The following PCDHGA3 variants were observed in gnomAD, a reference collection of about 807,000 sequenced individuals.
PCDHGA3 encodes protocadherin gamma-A3.
PCDHGA3 carries 40 observed loss-of-function variants against 58.5 expected under a neutral mutation model. That is an observed-to-expected ratio of 0.68 (90% CI 0.53 to 0.89). The LOEUF (loss-of-function observed/expected upper bound fraction) is 0.89, where lower values mean the gene tolerates loss of function less well. Among genes scored for constraint, PCDHGA3 ranks in the 40% least tolerant of loss-of-function variants. The pLI is 0.00. For synonymous variants in PCDHGA3, 530 were observed against 525.7 expected (o/e 1.01, Z -0.11); for missense variants, 1,223 against 1,195.9 (o/e 1.02, Z -0.33).
rs200568923 is a variant in PCDHGA3 at position 141,413,794 on chromosome 5, G to A, written c.2424+67337G>A. On this transcript the variant is annotated intron_variant, in intron 1 of 3. Coordinates refer to ENST00000253812, the MANE Select transcript of PCDHGA3 (RefSeq NM_018916.4). The stretch of plus-strand genomic sequence containing the variant: ...GGTACTGGAGCACTCCCTAGATCGC[G>A]AGGAAGAGGCCATTCACCACCTGGT... 6.7e-5 allele frequency: 108 copies of A among 1,613,050 alleles called. No individual in the cohort carries two copies. Among genetic ancestry groups the A allele is most frequent in the Admixed American group, 8.3e-5 (5 of 59,990 alleles).
In PCDHGA3 at chr5:141,486,565, T is replaced by C; in HGVS notation, c.2425-8242T>C. ...TTCAGAGGTCACATGAGGTGTTTGT[T>C]CCTGAGAACAATCGCCCAGGGGACC... On this transcript the variant is annotated intron_variant, in intron 1 of 3. Coordinates refer to ENST00000253812, the MANE Select transcript of PCDHGA3 (RefSeq NM_018916.4). The surrounding 1 kb of genome is among the most constrained non-coding windows in gnomAD (Gnocchi z 5.0). 6.2e-7 allele frequency: 1 copy of C among 1,614,024 alleles called. No homozygotes were observed. Among genetic ancestry groups the C allele is most frequent in the Non-Finnish European group, 8.5e-7 (1 of 1,180,032 alleles).
In PCDHGA3 at chr5:141,360,298, G is replaced by A. The variant is rs368468229; in HGVS notation, c.2424+13841G>A. On this transcript the variant is annotated intron_variant, in intron 1 of 3. Transcript: ENST00000253812. Reference sequence around the variant, plus strand: ...CGTAGGAAACCTCGCCAAGGATCTGGGGCTCAGCGTCCGGGACTTGCCAGC... The same window carrying A: ...CGTAGGAAACCTCGCCAAGGATCTGAGGCTCAGCGTCCGGGACTTGCCAGC... 268 of 1,613,990 alleles carry A rather than the reference G, an allele frequency of 1.7e-4. No individual in the cohort carries two copies. The highest frequency in any genetic ancestry group is 2.2e-4 in the Non-Finnish European group (260 of 1,179,896).
In PCDHGA3 at chr5:141,432,897, C is replaced by A. The variant is rs780142081; in HGVS notation, c.2425-61910C>A. 1.2e-6 allele frequency: 2 copies of A among 1,614,178 alleles called. No individual in the cohort carries two copies. Among genetic ancestry groups the A allele is most frequent in the Non-Finnish European group, 1.7e-6 (2 of 1,180,010 alleles). On this transcript the variant is annotated intron_variant, in intron 1 of 3. Coordinates refer to ENST00000253812, the MANE Select transcript of PCDHGA3 (RefSeq NM_018916.4). The surrounding 1 kb of genome is among the most constrained non-coding windows in gnomAD (Gnocchi z 6.0). ...CTGGCCTTCGTCATCTTGCTGCTGGCGCTCAGGCTGCGGCGCTGGCACAAG... is the reference window on the plus strand; with the variant it reads ...CTGGCCTTCGTCATCTTGCTGCTGGAGCTCAGGCTGCGGCGCTGGCACAAG...
intron 2 of PCDHGA3, among the ~76,000 whole-genome samples, chr5:141,504,997 AC>A (rs554150488): frequency 9.9e-5 from 15 of 152,238 alleles, no homozygotes; most frequent in African/African-American, 2.9e-4. Flanking sequence ...CCCCGTCTGT[AC>A]TAAAAATACA....
chr5:141,375,816 C>G, intron 1 of PCDHGA3: 2 of 1,614,194 alleles, frequency 1.2e-6, no homozygotes, highest in South Asian at 2.2e-5. Flanking sequence ...GTGGAGCTGG[C>G]GCCCCGCTCC....
At chr5:141,355,289 A>G (rs1759786775) in intron 1 of PCDHGA3, 1 of 1,613,744 alleles carries the variant, frequency 6.2e-7, no homozygotes. Context: ...AGGGCCGAAC[A>G]GATTCTCTAC....
chr5:141,449,562 C>T (rs1374591292), intron 1 of PCDHGA3, among the ~76,000 whole-genome samples: 1 of 143,862 alleles, frequency 7.0e-6, no homozygotes, highest in East Asian at 2.0e-4. Context: ...GCACTCCAGC[C>T]TGGGCGACAG....
chr5:141,389,767 G>C, intron 1 of PCDHGA3: 2 of 1,613,028 alleles, frequency 1.2e-6, no homozygotes, highest in Non-Finnish European at 8.5e-7. Context: ...CGCACAGCGC[G>C]TGCCTTAGGC....
At chr5:141,347,986 G>A (rs532238448) in intron 1 of PCDHGA3, among the ~76,000 whole-genome samples, 5 of 152,162 alleles carry the variant, frequency 3.3e-5, no homozygotes, top group Non-Finnish European at 7.3e-5. Flanking sequence ...ACATGTAAAG[G>A]AATATGTCTC....
chr5:141,399,991 G>C, intron 1 of PCDHGA3: 1 of 1,612,422 alleles, frequency 6.2e-7, no homozygotes, highest in Non-Finnish European at 8.5e-7. Context: ...CACAGGAGAG[G>C]TGCGCACAGC....
chr5:141,370,990 C>T (rs763809323), intron 1 of PCDHGA3: 3 of 1,613,826 alleles, frequency 1.9e-6, no homozygotes, highest in Admixed American at 1.7e-5. Flanking sequence ...CTGAAAGCAC[C>T]CCTGGACAGG....
At chr5:141,419,431 G>A in intron 1 of PCDHGA3, 2 of 1,613,306 alleles carry the variant, frequency 1.2e-6, no homozygotes. Context: ...ACCACGAGCA[G>A]CTGCGCACCT....
At chr5:141,395,345 A>G in intron 1 of PCDHGA3, 1 of 1,399,052 alleles carries the variant, frequency 7.1e-7, no homozygotes, top group South Asian at 1.5e-5. Flanking sequence ...TTTAAGGTGT[A>G]TCACAGAGTT....
rs558074504 is a variant in PCDHGA3, at chr5:141,489,065, C to G, written c.2425-5742C>G. On this transcript the variant is annotated intron_variant, in intron 1 of 3. Coordinates refer to ENST00000253812, the MANE Select transcript of PCDHGA3 (RefSeq NM_018916.4). This position sits in a 1 kb window ranked among gnomAD's most constrained non-coding sequence, Gnocchi z 4.5. ...CCACTCAAATTCAGCTCCCCTCCCC[C>G]CTGCCCACCCCCGCCACTCGGTGAC... is the stretch of plus-strand genomic sequence containing the variant. The G allele has an allele frequency of 1.5e-4, 57 of 389,046 alleles. No homozygotes were observed. Among genetic ancestry groups the G allele is most frequent in the African/African-American group, 8.5e-4 (40 of 47,278 alleles). 24.1% of individuals were successfully genotyped at this position (389,046 alleles called of 1,614,324 possible).
chr5:141,356,809 A>T, intron 1 of PCDHGA3: 1 of 1,614,080 alleles, frequency 6.2e-7, no homozygotes, highest in Non-Finnish European at 8.5e-7. Flanking sequence ...AGCCAGTGAC[A>T]GTGGAGACCC....
intron 1 of PCDHGA3, chr5:141,378,047 TC>T (rs1257560476): frequency 1.3e-5 from 2 of 152,202 alleles, no homozygotes; most frequent in Non-Finnish European, 2.9e-5. Flanking sequence ...ACTTTCCTTA[TC>T]TATCTGACTC....
intron 1 of PCDHGA3, among the ~76,000 whole-genome samples, chr5:141,469,340 G>A (rs1412181099): frequency 6.6e-6 from 1 of 152,138 alleles, no homozygotes; most frequent in Non-Finnish European, 1.5e-5. Context: ...ACTTTGGGAG[G>A]CTGAGGTGGA....
At position 141,374,696 on chromosome 5, in the gene PCDHGA3, G is replaced by A. The variant is rs747520978; in HGVS notation, c.2424+28239G>A. 5 of 1,609,314 alleles carry A rather than the reference G, an allele frequency of 3.1e-6. No homozygotes were observed. In the African/African-American group the frequency reaches 6.7e-5, roughly 21 times the overall value. ...GGAGGGCACACTGGACCGGGAAGGA[G>A]AAGCCGTTTACCGCCTGGTCCTTAC... On this transcript the variant is annotated intron_variant, in intron 1 of 3. Coordinates refer to ENST00000253812, the MANE Select transcript of PCDHGA3 (RefSeq NM_018916.4).
At chr5:141,384,046 A>T (rs372405767) in intron 1 of PCDHGA3, 1 of 1,612,316 alleles carries the variant, frequency 6.2e-7, no homozygotes, top group Admixed American at 1.7e-5. Context: ...TGGTGAGGTG[A>T]CCTGCACCAT....
Sources: gnomAD v4.1 joint callset for allele counts (sites outside exome capture counted in the v4.1 genomes callset) on GRCh38, gnomAD v4.1.1 for gene constraint, Gnocchi (gnomAD v3.1) non-coding constraint, MANE v1.5 for transcripts, NCBI Gene and HGNC (gene_info 2026-07-23, HGNC 2026-07-21) for gene names.